RIPOR3: variants seen among roughly 807,000 people sequenced by gnomAD.
The protein encoded by RIPOR3 is RIPOR family member 3.
In RIPOR3, 95 loss-of-function variants were observed where a neutral mutation model predicts 114.3. The ratio of observed to expected loss-of-function variants is 0.83; its 90% CI spans 0.70 to 0.99. The LOEUF (loss-of-function observed/expected upper bound fraction) is 0.99. Ranked by LOEUF, RIPOR3 falls within the 50% of genes least tolerant of loss-of-function variation. RIPOR3 has a pLI of 0.00. For missense variants in RIPOR3, 1,252 were observed against 1,266.9 expected, an observed-to-expected ratio of 0.99 and a Z score of 0.18; for synonymous variants, 575 against 543.8, an observed-to-expected ratio of 1.06 and a Z score of -0.80.
At chr20:50,622,143 T>A (rs1005139468) in intron 2 of RIPOR3, among the ~76,000 whole-genome samples, 5 of 151,882 alleles carry the variant, frequency 3.3e-5, no homozygotes, top group Admixed American at 6.6e-5. Context: ...AAAAGAGACA[T>A]GGTGGAAATG....
chr20:50,665,894 G>T (rs2086173978), intron 1 of RIPOR3, among the ~76,000 whole-genome samples: 1 of 151,976 alleles, frequency 6.6e-6, no homozygotes, highest in South Asian at 2.1e-4. Flanking sequence ...CCGTCGCCAC[G>T]CACCTCACTG....
chr20:50,627,829 G>A (rs1361056941), intron 2 of RIPOR3, among the ~76,000 whole-genome samples: 1 of 152,204 alleles, frequency 6.6e-6, no homozygotes, highest in Admixed American at 6.5e-5. Context: ...ACAGCAGAGC[G>A]TTCAATCAAA....
chr20:50,639,315 G>A (rs2085107787), intron 1 of RIPOR3, among the ~76,000 whole-genome samples: 1 of 152,018 alleles, frequency 6.6e-6, no homozygotes, highest in Non-Finnish European at 1.5e-5. Context: ...GCAGTGCCAG[G>A]CATTGCTCAA....
chr20:50,593,127 T>C lies in RIPOR3; in HGVS notation c.2282A>G (p.Glu761Gly). The change falls in exon 18 of 22, where the codon GAA becomes GGA. Residue 761 changes from glutamate to glycine, a missense_variant. By Grantham distance (98) the Glu-to-Gly change is moderately conservative. Transcript: ENST00000327979. The stretch of plus-strand genomic sequence containing the variant: ...AAACTGGAACCAGGTAATGATCTGT[T>C]CTTCTGGGAGCCCAGCTCCGGGGAG... Reference protein sequence around the residue: ...GLLPGAGLPEEQIITWFQFHS... With the variant: ...GLLPGAGLPEGQIITWFQFHS... 1 of 1,613,936 alleles carries C rather than the reference T, an allele frequency of 6.2e-7. No homozygotes were observed. Among genetic ancestry groups the C allele is most frequent in the African/African-American group, 1.3e-5 (1 of 75,048 alleles).
intron 1 of RIPOR3, among the ~76,000 whole-genome samples, chr20:50,669,860 T>C (rs2086401320): frequency 6.8e-6 from 1 of 146,348 alleles, no homozygotes; most frequent in African/African-American, 2.5e-5. Flanking sequence ...GAGGGGGCTC[T>C]GAAAAAAAAA....
chr20:50,689,803 TG>T, intron 1 of RIPOR3, among the ~76,000 whole-genome samples: 2 of 151,708 alleles, frequency 1.3e-5, no homozygotes, highest in Non-Finnish European at 2.9e-5. Flanking sequence ...AGGTGGGTGG[TG>T]GGGGGTTCAC....
rs1601422968 is a variant in RIPOR3, at chr20:50,586,639, A to G, written c.*593T>C. 1 of 153,682 alleles carries G rather than the reference A, an allele frequency of 6.5e-6. No individual in the cohort carries two copies. Among genetic ancestry groups the G allele is most frequent in the Non-Finnish European group, 1.4e-5 (1 of 69,028 alleles). 9.5% of individuals were successfully genotyped at this position (153,682 alleles called of 1,614,324 possible). On this transcript the variant is annotated 3_prime_UTR_variant, in exon 22 of 22. Coordinates refer to ENST00000327979, the MANE Select transcript of RIPOR3 (RefSeq NM_001290268.2). ...GCCGCCGTCTGTGAGCTCCACCAGCACTCGCAGCAAGTCAGTCGGGCTGAG... is the reference window on the plus strand; with the variant it reads ...GCCGCCGTCTGTGAGCTCCACCAGCGCTCGCAGCAAGTCAGTCGGGCTGAG...
chr20:50,673,406 A>G (rs910535350), intron 1 of RIPOR3, among the ~76,000 whole-genome samples: 29 of 151,970 alleles, frequency 1.9e-4, no homozygotes, highest in African/African-American at 6.3e-4. Context: ...GCCGGTTCCT[A>G]CACCCTTGCC....
chr20:50,657,425 G>C (rs2085848910), intron 1 of RIPOR3, among the ~76,000 whole-genome samples: 1 of 152,150 alleles, frequency 6.6e-6, no homozygotes, highest in Non-Finnish European at 1.5e-5. Flanking sequence ...TACTTGGGAG[G>C]CTGAGGCAGG....
Position 50,602,638 on chromosome 20 carries a change from GGACA to G in RIPOR3, c.1089_1092del (p.Val364TyrfsTer33), listed in dbSNP as rs1244097878. On this transcript the variant is annotated frameshift_variant and splice_region_variant, in exon 13 of 22. Transcript: ENST00000327979. LOFTEE classifies it high-confidence loss of function. The surrounding 1 kb of genome is among the most constrained non-coding windows in gnomAD (Gnocchi z 4.3). ...AAGGCCTGCTGTGTTGGCTGCTGTA[GGACA>G]GACTGGAGAGGGGACACGGGAGCGG... 4 of 1,487,306 alleles carry G rather than the reference GGACA, an allele frequency of 2.7e-6. No homozygotes were observed. The African/African-American group carries it at 4.2e-5, about 16-fold the overall frequency. 92.1% of individuals were successfully genotyped at this position (1,487,306 alleles called of 1,614,324 possible).
At chr20:50,589,446 G>T (rs1419910781) in intron 20 of RIPOR3, among the ~76,000 whole-genome samples, 1 of 151,886 alleles carries the variant, frequency 6.6e-6, no homozygotes, top group African/African-American at 2.4e-5. Context: ...GTGCCACCAC[G>T]CCTAGCTAAT....
intron 1 of RIPOR3, among the ~76,000 whole-genome samples, chr20:50,637,152 A>G (rs1455345270): frequency 6.6e-6 from 1 of 152,150 alleles, no homozygotes; most frequent in Non-Finnish European, 1.5e-5. Context: ...GGAGTCCAAC[A>G]GTCCAACTCG....
chr20:50,659,368 C>T (rs546140393), intron 1 of RIPOR3, among the ~76,000 whole-genome samples: 34 of 152,002 alleles, frequency 2.2e-4, no homozygotes, highest in East Asian at 5.8e-4. Context: ...TAACCAGGGC[C>T]GGGTGCGGTG....
intron 3 of RIPOR3, among the ~76,000 whole-genome samples, chr20:50,618,977 G>A (rs1335259121): frequency 6.6e-6 from 1 of 152,102 alleles, no homozygotes; most frequent in East Asian, 1.9e-4. Context: ...CTGGGAGGCC[G>A]AGATGGACAG....
intron 5 of RIPOR3, 114 bp from the exon 6 acceptor site, chr20:50,611,020 T>C: frequency 3.3e-6 from 1 of 306,596 alleles, no homozygotes; most frequent in Non-Finnish European, 4.9e-6. Context: ...CCCCTCACCA[T>C]CCCTGAGGAA....
chr20:50,586,445 C>G lies in RIPOR3; in HGVS notation c.*787G>C, dbSNP rs778584541. 2.0e-5 allele frequency: 3 copies of G among 148,688 alleles called. No individual in the cohort carries two copies. Among genetic ancestry groups the G allele is most frequent in the Admixed American group, 6.6e-5 (1 of 15,174 alleles). The allele number at this position is 148,688 out of a possible 1,614,324, so 9.2% of individuals were successfully genotyped here. A position where few individuals can be genotyped will look rare whatever the true frequency, so the allele number is the denominator to read the frequency against. On this transcript the variant is annotated 3_prime_UTR_variant, in exon 22 of 22. Coordinates refer to ENST00000327979, the MANE Select transcript of RIPOR3 (RefSeq NM_001290268.2). ...CTTCTTAGCAGTTTATTGACGAGAT[C>G]CTAGGGTAGCTTCCGAAGCTGGGTT...
At chr20:50,685,904 A>G (rs1057343168) in intron 1 of RIPOR3, among the ~76,000 whole-genome samples, 5 of 151,822 alleles carry the variant, frequency 3.3e-5, no homozygotes, top group Non-Finnish European at 7.4e-5. Flanking sequence ...ATGGGCTCAC[A>G]TGGAAAAATG....
chr20:50,667,422 TA>T (rs1204614581), intron 1 of RIPOR3, among the ~76,000 whole-genome samples: 1 of 150,738 alleles, frequency 6.6e-6, no homozygotes, highest in East Asian at 2.0e-4. Context: ...ACCTCCCAAG[TA>T]GCTGTGATTA....
chr20:50,615,758 C>T (rs112581688), intron 4 of RIPOR3, among the ~76,000 whole-genome samples: 1 of 152,198 alleles, frequency 6.6e-6, no homozygotes, highest in Admixed American at 6.5e-5. Context: ...AAATGCACCT[C>T]CATACACTGC....
Sources: allele counts gnomAD v4.1 joint callset (sites outside exome capture counted in the v4.1 genomes callset), GRCh38; gene constraint gnomAD v4.1.1; non-coding constraint Gnocchi (gnomAD v3.1); transcripts MANE v1.5; gene names NCBI Gene and HGNC (gene_info 2026-07-23, HGNC 2026-07-21).